Variants in MRGPRX1 observed in about 807,000 individuals in gnomAD.
MRGPRX1 encodes the protein mas-related G protein-coupled receptor member X1.
For synonymous variants in MRGPRX1, 208 were observed against 170.4 expected (o/e 1.22, Z -1.72); for missense variants, 411 against 393.8 (o/e 1.04, Z -0.37).
chr11:18,937,808 T>C (rs1224169145), intron 1 of MRGPRX1, among the ~76,000 whole-genome samples: 1 of 151,526 alleles, frequency 6.6e-6, no homozygotes, highest in Non-Finnish European at 1.5e-5. Context: ...TATGTTCTCT[T>C]TTTAAAATTA....
At chr11:18,938,382 A>G (rs180935990) in intron 1 of MRGPRX1, among the ~76,000 whole-genome samples, 1 of 151,566 alleles carries the variant, frequency 6.6e-6, no homozygotes, top group African/African-American at 2.4e-5. Flanking sequence ...GTCATCTCAC[A>G]TGGTGAGAGC....
rs535546137 is a variant in MRGPRX1 at position 18,933,635 on chromosome 11, G to A, written c.*181C>T. ...GGAGAATCTAAACATTGTACTGTCA[G>A]ACTAATGCTTTCCATGGGTGAAAAC... On this transcript the variant is annotated 3_prime_UTR_variant, in exon 2 of 2. Transcript: ENST00000526914. Among the ~76,000 whole-genome samples, 15 of 151,680 alleles carry A rather than the reference G, an allele frequency of 9.9e-5. No homozygotes were observed. The highest frequency in any genetic ancestry group is 3.4e-4 in the African/African-American group (14 of 41,442).
intron 1 of MRGPRX1, among the ~76,000 whole-genome samples, chr11:18,935,612 A>C (rs1294221497): frequency 6.6e-6 from 1 of 151,458 alleles, no homozygotes; most frequent in Non-Finnish European, 1.5e-5. Context: ...GTGCCTTTAA[A>C]ATAAGGACTC....
intron 1 of MRGPRX1, among the ~76,000 whole-genome samples, chr11:18,938,481 G>T (rs998085000): frequency 6.6e-6 from 1 of 151,426 alleles, no homozygotes; most frequent in East Asian, 1.9e-4. Context: ...AATACCGAAG[G>T]GGGATAGTGT....
rs149032399 is a variant in MRGPRX1, at chr11:18,934,455, C to T, written c.330G>A (p.Leu110=). Residue 110 remains leucine (L), a synonymous_variant, in exon 2 of 2, where the codon CTG becomes CTA. Transcript: ENST00000526914. Reference sequence around the variant, plus strand: ...CGGTGCTCACGGCACTCAGAAAGCTCAGGCCTGCAAAGTAGGAAAACATCA... The same window carrying T: ...CGGTGCTCACGGCACTCAGAAAGCTTAGGCCTGCAAAGTAGGAAAACATCA... ...PVMMFSYFAG[L]SFLSAVSTER... is the part of the protein sequence containing the mutation. 1.9e-4 allele frequency: 304 copies of T among 1,610,466 alleles called. 13 individuals are homozygous for T. Among genetic ancestry groups the T allele is most frequent in the Non-Finnish European group, 2.4e-4 (279 of 1,178,058 alleles).
chr11:18,937,291 G>C (rs374269725), intron 1 of MRGPRX1, among the ~76,000 whole-genome samples: 1 of 151,294 alleles, frequency 6.6e-6, no homozygotes, highest in Non-Finnish European at 1.5e-5. Flanking sequence ...CTAGGGACTC[G>C]AGAGTAGCAG....
chr11:18,937,404 GTGC>G (rs1465295525), intron 1 of MRGPRX1, among the ~76,000 whole-genome samples: 2 of 151,418 alleles, frequency 1.3e-5, no homozygotes, highest in East Asian at 3.9e-4. Flanking sequence ...GCAGATGTGT[GTGC>G]TGCTACCCCA....
At position 18,934,454 on chromosome 11, in the gene MRGPRX1, T is replaced by G. The variant is rs757062723; in HGVS notation, c.331A>C (p.Ser111Arg). 1 of 1,610,500 alleles carries G rather than the reference T, an allele frequency of 6.2e-7. No homozygotes were observed. The highest frequency in any genetic ancestry group is 1.1e-5 in the South Asian group (1 of 90,732). The change falls in exon 2 of 2, where the codon AGC (serine) becomes CGC (arginine). Residue 111 changes from serine (S) to arginine (R), a missense_variant. Physicochemically the swap from Ser to Arg is moderately radical, Grantham distance 110. Coordinates refer to ENST00000526914, the MANE Select transcript of MRGPRX1 (RefSeq NM_001393578.1). ...VMMFSYFAGL[S>R]FLSAVSTERC... ...TCGGTGCTCACGGCACTCAGAAAGC[T>G]CAGGCCTGCAAAGTAGGAAAACATC...
rs773224686 is a variant in MRGPRX1 at position 18,934,629 on chromosome 11, C to A, written c.156G>T (p.Leu52=). The A allele has an allele frequency of 4.3e-6, 7 of 1,610,672 alleles. No individual in the cohort carries two copies. The highest frequency in any genetic ancestry group is 5.9e-6 in the Non-Finnish European group (7 of 1,178,108). The part of the protein sequence containing the change: ...LTGNAVVLWL[L]GCRMRRNAFS... The stretch of plus-strand genomic sequence containing the variant: ...AGGCGTTCCTGCGCATGCGGCAGCC[C>A]AGGAGCCAGAGCACAACTGCGTTTC... The change falls in exon 2 of 2, where the codon CTG becomes CTT. Residue 52 remains leucine, a synonymous_variant. Coordinates refer to ENST00000526914, the MANE Select transcript of MRGPRX1 (RefSeq NM_001393578.1).
At chr11:18,938,025 A>T (rs1173563908) in intron 1 of MRGPRX1, among the ~76,000 whole-genome samples, 3 of 151,384 alleles carry the variant, frequency 2.0e-5, no homozygotes, top group African/African-American at 7.3e-5. Flanking sequence ...TTTGCTTTCC[A>T]TTCTTCTCTA....
In MRGPRX1 at chr11:18,934,619, T is replaced by G; in HGVS notation, c.166A>C (p.Met56Leu). 6.2e-7 allele frequency: 1 copy of G among 1,610,376 alleles called. No homozygotes were observed. The highest frequency in any genetic ancestry group is 8.5e-7 in the Non-Finnish European group (1 of 1,178,024). The change falls in exon 2 of 2, where the codon ATG becomes CTG. Residue 56 changes from methionine to leucine, a missense_variant. By Grantham distance (15) the Met-to-Leu change is conservative. Transcript: ENST00000526914. ...TAGATGGAGAAGGCGTTCCTGCGCA[T>G]GCGGCAGCCCAGGAGCCAGAGCACA... is the stretch of plus-strand genomic sequence containing the variant. ...AVVLWLLGCR[M>L]RRNAFSIYIL...
At chr11:18,938,239 A>G (rs1217782244) in intron 1 of MRGPRX1, among the ~76,000 whole-genome samples, 1 of 151,466 alleles carries the variant, frequency 6.6e-6, no homozygotes, top group Non-Finnish European at 1.5e-5. Flanking sequence ...AATACCTGAG[A>G]CTGGGAAATT....
At chr11:18,938,769 G>A (rs916801211) in intron 1 of MRGPRX1, among the ~76,000 whole-genome samples, 1 of 151,370 alleles carries the variant, frequency 6.6e-6, no homozygotes, top group South Asian at 2.1e-4. Flanking sequence ...CCTATGTATT[G>A]TTGCTTAGGG....
Position 18,933,765 on chromosome 11 carries a change from G to T in MRGPRX1, c.*51C>A, listed in dbSNP as rs1459502553. 2.6e-6 allele frequency: 4 copies of T among 1,540,634 alleles called. No individual in the cohort carries two copies. The Admixed American group carries it at 6.3e-5, about 24-fold the overall frequency. ...AAAACGCATATAATTGTCAAGGGTG[G>T]CAGGGCAGTGTTGCTCTCAAAGTCC... On this transcript the variant is annotated 3_prime_UTR_variant, in exon 2 of 2. Transcript: ENST00000526914.
Position 18,934,089 on chromosome 11 carries a change from A to G in MRGPRX1, c.696T>C (p.Phe232=). ...VLVFLLCGLP[F]GIQFFLFLWI... The stretch of plus-strand genomic sequence containing the variant: ...ATAAAAATAGGAAAAACTGAATGCC[A>G]AAGGGCAGGCCACAGAGGAGGAAGA... Residue 232 remains phenylalanine, a synonymous_variant, in exon 2 of 2, where the codon TTT becomes TTC. Coordinates refer to ENST00000526914, the MANE Select transcript of MRGPRX1 (RefSeq NM_001393578.1). 2 of 1,610,982 alleles carry G rather than the reference A, an allele frequency of 1.2e-6. No individual in the cohort carries two copies. Among genetic ancestry groups the G allele is most frequent in the South Asian group, 1.1e-5 (1 of 90,800 alleles).
At chr11:18,938,566 C>T (rs1164965143) in intron 1 of MRGPRX1, among the ~76,000 whole-genome samples, 1 of 151,548 alleles carries the variant, frequency 6.6e-6, no homozygotes, top group Admixed American at 6.6e-5. Flanking sequence ...CTGGGAATTA[C>T]AATCAACCTG....
chr11:18,936,652 C>A (rs1429829891), intron 1 of MRGPRX1, among the ~76,000 whole-genome samples: 1 of 151,414 alleles, frequency 6.6e-6, no homozygotes, highest in African/African-American at 2.4e-5. Flanking sequence ...CACATTGTCC[C>A]TCTATATTTA....
intron 1 of MRGPRX1, among the ~76,000 whole-genome samples, chr11:18,936,070 G>A (rs1848838252): frequency 6.6e-6 from 1 of 151,532 alleles, no homozygotes; most frequent in South Asian, 2.1e-4. Flanking sequence ...TTAAGAATGA[G>A]TATTATTCCC....
intron 1 of MRGPRX1, among the ~76,000 whole-genome samples, chr11:18,937,819 C>T (rs1280626017): frequency 6.6e-6 from 1 of 151,498 alleles, no homozygotes; most frequent in Non-Finnish European, 1.5e-5. Context: ...TTTAAAATTA[C>T]ATTTTATTTT....
Sources: gnomAD v4.1 joint callset for allele counts (sites outside exome capture counted in the v4.1 genomes callset) on GRCh38, gnomAD v4.1.1 for gene constraint, MANE v1.5 for transcripts, NCBI Gene and HGNC (gene_info 2026-07-23, HGNC 2026-07-21) for gene names.